CADM2: variants seen among roughly 807,000 people sequenced by gnomAD.
CADM2 encodes cell adhesion molecule 2, also known as immunoglobulin superfamily member 4D.
Under a neutral mutation model 49.8 loss-of-function variants are expected in CADM2, and 12 were observed. The observed-to-expected ratio is 0.24, with a 90% CI of 0.15 to 0.39. CADM2 has a LOEUF of 0.39. CADM2 is among the 10% of genes least tolerant of loss of function. The probability of loss-of-function intolerance (pLI) is 1.00; values close to 1 mark genes in which losing one functional copy is unlikely to be tolerated. For synonymous variants in CADM2, 214 were observed against 175.4 expected (o/e 1.22, Z -1.74); for missense variants, 378 against 492.3 (o/e 0.77, Z 2.20).
intron 1 of CADM2, among the ~76,000 whole-genome samples, chr3:85,004,669 G>T (rs1320333394): frequency 6.6e-6 from 1 of 152,112 alleles, no homozygotes; most frequent in Non-Finnish European, 1.5e-5. Flanking sequence ...GTTTGAAGAA[G>T]TGGGCACCCT....
chr3:85,864,239 A>G (rs2075641531), intron 3 of CADM2, among the ~76,000 whole-genome samples: 2 of 152,194 alleles, frequency 1.3e-5, no homozygotes, highest in Admixed American at 1.3e-4. Context: ...TTAGTATGTC[A>G]AAATGCATTG....
chr3:85,025,814 C>CAA (rs113769156), intron 1 of CADM2, among the ~76,000 whole-genome samples: 12 of 143,328 alleles, frequency 8.4e-5, no homozygotes, highest in East Asian at 4.0e-4. Context: ...TATCATGTTT[C>CAA]AAAAAAAAAA....
chr3:85,457,512 T>C (rs2038049904), intron 1 of CADM2, among the ~76,000 whole-genome samples: 1 of 152,192 alleles, frequency 6.6e-6, no homozygotes, highest in Non-Finnish European at 1.5e-5. Flanking sequence ...GTAGTACATA[T>C]TACCTTTTCT....
At chr3:85,200,572 G>T in intron 1 of CADM2, among the ~76,000 whole-genome samples, 1 of 152,062 alleles carries the variant, frequency 6.6e-6, no homozygotes, top group East Asian at 1.9e-4. Flanking sequence ...ATACAGTAGT[G>T]ACAGTAAACA....
chr3:85,317,032 T>C (rs1264605309), intron 1 of CADM2, among the ~76,000 whole-genome samples: 1 of 152,058 alleles, frequency 6.6e-6, no homozygotes, highest in East Asian at 1.9e-4. Context: ...CTGAGATTTC[T>C]GAGTAAACTT....
chr3:85,966,613 C>T (rs1373282826), intron 8 of CADM2, among the ~76,000 whole-genome samples: 1 of 151,390 alleles, frequency 6.6e-6, no homozygotes, highest in African/African-American at 2.4e-5. Flanking sequence ...CAAATTTGAC[C>T]TTTACAACCA....
intron 1 of CADM2, among the ~76,000 whole-genome samples, chr3:85,396,261 T>C (rs1335735194): frequency 6.6e-6 from 1 of 151,770 alleles, no homozygotes; most frequent in East Asian, 1.9e-4. Context: ...TCTTAGTTTT[T>C]TTCTTGGCCA....
intron 1 of CADM2, among the ~76,000 whole-genome samples, chr3:85,563,409 T>G (rs965334303): frequency 1.9e-3 from 158 of 81,444 alleles, no homozygotes; most frequent in African/African-American, 4.2e-3. Context: ...TTTGTGTGTG[T>G]GTGGGGGGGT....
intron 3 of CADM2, among the ~76,000 whole-genome samples, chr3:85,824,000 G>C (rs1243922653): frequency 6.6e-6 from 1 of 152,090 alleles, no homozygotes; most frequent in African/African-American, 2.4e-5. Context: ...GCTTCAAAAG[G>C]TGACAGAACA....
rs1188527443 is a variant in CADM2, at chr3:84,959,018, G to T, written c.-590G>T. 3 of 199,894 alleles carry T rather than the reference G, an allele frequency of 1.5e-5. No homozygotes were observed. Among genetic ancestry groups the T allele is most frequent in the Non-Finnish European group, 3.0e-5 (3 of 100,502 alleles). The allele number at this position is 199,894 out of a possible 1,614,324, so 12.4% of individuals were successfully genotyped here. A position where few individuals can be genotyped will look rare whatever the true frequency, so the allele number is the denominator to read the frequency against. On this transcript the variant is annotated 5_prime_UTR_variant, in exon 1 of 10. Transcript: ENST00000383699. ...AGCTGCCGCCGTCGCCGCTGCCGCT[G>T]CCGCCACAGCCGCCGCTGCAGCCGG... is the stretch of plus-strand genomic sequence containing the variant.
chr3:86,052,164 G>T (rs1737419964), intron 8 of CADM2, among the ~76,000 whole-genome samples: 1 of 151,980 alleles, frequency 6.6e-6, no homozygotes, highest in African/African-American at 2.4e-5. Context: ...ACTACATGAA[G>T]TTTTCAACTG....
intron 8 of CADM2, among the ~76,000 whole-genome samples, chr3:85,984,700 A>G (rs1281427307): frequency 6.6e-6 from 1 of 151,916 alleles, no homozygotes; most frequent in Non-Finnish European, 1.5e-5. Context: ...AATACACCAT[A>G]CATTTCAATG....
At chr3:85,635,513 T>G (rs555779776) in intron 1 of CADM2, among the ~76,000 whole-genome samples, 1 of 152,290 alleles carries the variant, frequency 6.6e-6, no homozygotes, top group South Asian at 2.1e-4. Flanking sequence ...AGGAAGTGTT[T>G]TCTTTAATCT....
chr3:84,961,333 C>A (rs1222737175), intron 1 of CADM2, among the ~76,000 whole-genome samples: 19 of 152,128 alleles, frequency 1.2e-4, no homozygotes, highest in Admixed American at 1.2e-3. Flanking sequence ...AACTAACTGA[C>A]CTTGTAGAGA....
intron 1 of CADM2, among the ~76,000 whole-genome samples, chr3:85,101,379 C>T (rs1290238312): frequency 6.6e-6 from 1 of 152,088 alleles, no homozygotes; most frequent in Non-Finnish European, 1.5e-5. Flanking sequence ...TTTTGTAATA[C>T]CACATTGCCT....
chr3:85,686,459 T>C (rs2066218522), intron 1 of CADM2, among the ~76,000 whole-genome samples: 2 of 152,238 alleles, frequency 1.3e-5, no homozygotes, highest in South Asian at 4.1e-4. Flanking sequence ...ATGTAATCTC[T>C]GACACTATTT....
intron 1 of CADM2, among the ~76,000 whole-genome samples, chr3:85,476,092 T>C (rs2038963107): frequency 6.6e-6 from 1 of 151,916 alleles, no homozygotes; most frequent in Admixed American, 6.6e-5. Context: ...CTACTTCAAA[T>C]GATTCACCAG....
intron 3 of CADM2, among the ~76,000 whole-genome samples, chr3:85,856,541 C>A (rs189588638): frequency 6.6e-6 from 1 of 152,238 alleles, no homozygotes; most frequent in East Asian, 1.9e-4. Flanking sequence ...TTAATATTTT[C>A]TTTTCTTTGT....
chr3:86,028,223 CAAA>C (rs371077792), intron 8 of CADM2, among the ~76,000 whole-genome samples: 6 of 116,088 alleles, frequency 5.2e-5, no homozygotes, highest in Admixed American at 8.5e-5. Flanking sequence ...AAAAAGAAGT[CAAA>C]AAAAAAAAAA....
Sources: gnomAD v4.1 joint callset for allele counts (sites outside exome capture counted in the v4.1 genomes callset) on GRCh38, gnomAD v4.1.1 for gene constraint, MANE v1.5 for transcripts, NCBI Gene and HGNC (gene_info 2026-07-23, HGNC 2026-07-21) for gene names.